The following BTNL8 variants were observed in gnomAD, a reference collection of about 807,000 sequenced individuals.
BTNL8 encodes butyrophilin like 8.
BTNL8 carries 22 observed loss-of-function variants against 36.1 expected under a neutral mutation model. The observed-to-expected ratio is 0.61, with a 90% CI of 0.44 to 0.87. The LOEUF is 0.87. BTNL8 is among the 40% of genes least tolerant of loss of function. BTNL8 has a pLI of 0.00. For missense variants in BTNL8, 526 were observed against 616.9 expected (o/e 0.85, Z 1.56); for synonymous variants, 203 against 235.6 (o/e 0.86, Z 1.27).
chr5:180,911,421 C>T lies in BTNL8; in HGVS notation c.480C>T (p.Phe160=), dbSNP rs762739488. 12 of 1,614,218 alleles carry T rather than the reference C, an allele frequency of 7.4e-6. No individual in the cohort carries two copies. Among genetic ancestry groups the T allele is most frequent in the Non-Finnish European group, 9.3e-6 (11 of 1,180,040 alleles). ...TACTCTGTCAGTCCTCGGGCTGGTT[C>T]CCCCGGCCCACAGCGAAGTGGAAAG... ...IQLLCQSSGW[F]PRPTAKWKGP... The change falls in exon 3 of 8, where the codon TTC becomes TTT. Residue 160 remains phenylalanine (F), a synonymous_variant. Coordinates refer to ENST00000340184, the MANE Select transcript of BTNL8 (RefSeq NM_001040462.3).
intron 3 of BTNL8, among the ~76,000 whole-genome samples, chr5:180,942,216 C>A (rs561983606): frequency 2.6e-5 from 4 of 151,922 alleles, no homozygotes; most frequent in Admixed American, 2.6e-4. Flanking sequence ...AATAAAATAC[C>A]AAGGAATAAG....
Position 180,908,499 on chromosome 5 carries a change from C to G in BTNL8, c.50-87C>G, listed in dbSNP as rs1291125791. On this transcript the variant is annotated intron_variant, in intron 1 of 7. Transcript: ENST00000340184. ...CGTCGCTCACTCTGGGAGCTGTAGA[C>G]CGGAGCTGTTCCTATTCGGCCATCT... 17 of 1,286,244 alleles carry G rather than the reference C, an allele frequency of 1.3e-5. No homozygotes were observed. In the South Asian group the frequency reaches 2.1e-4, roughly 16 times the overall value. 79.7% of individuals were successfully genotyped at this position (1,286,244 alleles called of 1,614,324 possible).
At chr5:180,919,432 A>G (rs1757775529) in intron 3 of BTNL8, among the ~76,000 whole-genome samples, 1 of 152,234 alleles carries the variant, frequency 6.6e-6, no homozygotes, top group African/African-American at 2.4e-5. Flanking sequence ...TGGTTTACAT[A>G]TTATAAGCTC....
rs1391321596 is a variant in BTNL8, at chr5:180,950,199, T to C, written c.1158T>C (p.His386=). 1 of 1,463,174 alleles carries C rather than the reference T, an allele frequency of 6.8e-7. No individual in the cohort carries two copies. The highest frequency in any genetic ancestry group is 9.4e-7 in the Non-Finnish European group (1 of 1,058,884). 90.6% of individuals were successfully genotyped at this position (1,463,174 alleles called of 1,614,324 possible). The change falls in exon 8 of 8, where the codon CAT becomes CAC. Residue 386 remains histidine (H), a synonymous_variant. Coordinates refer to ENST00000340184, the MANE Select transcript of BTNL8 (RefSeq NM_001040462.3). The stretch of plus-strand genomic sequence containing the variant: ...GGGTCCTCAGACTGAATGGAGAACA[T>C]TTGTATTTCACATTAAATCCCCGTT... ...GYWVLRLNGE[H]LYFTLNPRFI...
intron 3 of BTNL8, among the ~76,000 whole-genome samples, chr5:180,915,619 T>TGG (rs1757592920): frequency 6.6e-6 from 1 of 152,162 alleles, no homozygotes; most frequent in Non-Finnish European, 1.5e-5. Context: ...CAGTACAGAC[T>TGG]AGAGGAGGAG....
intron 3 of BTNL8, among the ~76,000 whole-genome samples, chr5:180,914,751 A>T (rs4700771): frequency 0.24 from 36,164 of 152,128 alleles, 4,976 homozygotes; most frequent in Non-Finnish European, 0.3. Flanking sequence ...ACTAATTTTA[A>T]CAACTACCAT....
intron 3 of BTNL8, among the ~76,000 whole-genome samples, chr5:180,915,115 C>T (rs1019597305): frequency 1.3e-5 from 2 of 151,910 alleles, no homozygotes; most frequent in Admixed American, 6.6e-5. Flanking sequence ...GCAGCCAGTG[C>T]ATGGACCTGA....
intron 3 of BTNL8, among the ~76,000 whole-genome samples, chr5:180,922,028 C>T (rs1338483023): frequency 6.6e-6 from 1 of 152,028 alleles, no homozygotes; most frequent in East Asian, 1.9e-4. Flanking sequence ...ATTTTTTTGG[C>T]TCAGTGTAAT....
At chr5:180,921,852 C>A (rs1217924783) in intron 3 of BTNL8, among the ~76,000 whole-genome samples, 1 of 151,950 alleles carries the variant, frequency 6.6e-6, no homozygotes, top group Non-Finnish European at 1.5e-5. Context: ...ATATGTACAG[C>A]TTTTTACATG....
chr5:180,946,374 G>A (rs906470411), intron 3 of BTNL8, among the ~76,000 whole-genome samples: 1 of 152,132 alleles, frequency 6.6e-6, no homozygotes, highest in African/African-American at 2.4e-5. Context: ...CCATCATTCA[G>A]ATGAATGGAT....
At chr5:180,940,421 G>A (rs1447592879) in intron 3 of BTNL8, among the ~76,000 whole-genome samples, 1 of 150,216 alleles carries the variant, frequency 6.7e-6, no homozygotes, top group Non-Finnish European at 1.5e-5. Flanking sequence ...TAAGTTTATA[G>A]CAATAAATGC....
chr5:180,917,670 C>A (rs1168621104), intron 3 of BTNL8, among the ~76,000 whole-genome samples: 1 of 152,046 alleles, frequency 6.6e-6, no homozygotes, highest in Non-Finnish European at 1.5e-5. Context: ...ATCCTCCCAA[C>A]AAAGAAAATT....
chr5:180,948,006 A>G lies in BTNL8; in HGVS notation c.788-349A>G, dbSNP rs1280828711. ...AGATAAAATTATATTCAGTCTCAAT[A>G]AGACTTTTCACCCCCAAAACCAATT... On this transcript the variant is annotated intron_variant, in intron 4 of 7. Transcript: ENST00000340184. 3 of 674,554 alleles carry G rather than the reference A, an allele frequency of 4.4e-6. No individual in the cohort carries two copies. The East Asian group carries it at 8.5e-5, about 19-fold the overall frequency. The allele number at this position is 674,554 out of a possible 1,614,324, so 41.8% of individuals were successfully genotyped here. A position where few individuals can be genotyped will look rare whatever the true frequency, so the allele number is the denominator to read the frequency against.
chr5:180,934,866 G>C (rs748737343), intron 3 of BTNL8, among the ~76,000 whole-genome samples: 1 of 152,188 alleles, frequency 6.6e-6, no homozygotes, highest in African/African-American at 2.4e-5. Flanking sequence ...TTGTGTTACA[G>C]CTTTTTCAGT....
intron 2 of BTNL8, among the ~76,000 whole-genome samples, chr5:180,910,607 C>T (rs1441773669): frequency 6.6e-6 from 1 of 152,162 alleles, no homozygotes; most frequent in East Asian, 1.9e-4. Context: ...TATTGCCTTC[C>T]TTGCAAAGTA....
intron 1 of BTNL8, among the ~76,000 whole-genome samples, chr5:180,900,662 A>G (rs960286811): frequency 1.3e-5 from 2 of 152,186 alleles, no homozygotes; most frequent in Admixed American, 1.3e-4. Context: ...GACCTAAGAC[A>G]AGGGCCTTCC....
At chr5:180,945,830 C>T (rs902810153) in intron 3 of BTNL8, 12 of 499,868 alleles carry the variant, frequency 2.4e-5, no homozygotes, top group East Asian at 5.5e-5. Context: ...GAGTCTGATC[C>T]GGAAATATGG....
intron 1 of BTNL8, among the ~76,000 whole-genome samples, chr5:180,901,046 G>A (rs770597392): frequency 5.9e-5 from 9 of 152,206 alleles, no homozygotes; most frequent in African/African-American, 1.2e-4. Context: ...CCACTGCAGG[G>A]GGACTCAGGG....
chr5:180,946,413 G>T (rs553300594), intron 3 of BTNL8, among the ~76,000 whole-genome samples: 2 of 152,194 alleles, frequency 1.3e-5, no homozygotes, highest in East Asian at 3.9e-4. Flanking sequence ...AAATACAATG[G>T]AATACAATAT....
Sources: gnomAD v4.1 joint callset for allele counts (sites outside exome capture counted in the v4.1 genomes callset) on GRCh38, gnomAD v4.1.1 for gene constraint, MANE v1.5 for transcripts, NCBI Gene and HGNC (gene_info 2026-07-23, HGNC 2026-07-21) for gene names.